Variants in PBX1 observed in about 807,000 individuals in gnomAD.
PBX1 encodes the protein PBX homeobox 1.
A neutral mutation model predicts 53.4 loss-of-function variants in PBX1; 6 were observed. The observed-to-expected ratio is 0.11, with a 90% confidence interval of 0.06 to 0.22. PBX1 has a LOEUF of 0.22. Ranked by LOEUF, PBX1 falls within the 10% of genes least tolerant of loss-of-function variation. The probability of loss-of-function intolerance (pLI) is 1.00; values close to 1 mark genes in which losing one functional copy is unlikely to be tolerated. For synonymous variants in PBX1, 204 were observed against 212.3 expected (o/e 0.96, Z 0.34); for missense variants, 251 against 551.4 (o/e 0.46, Z 5.46).
chr1:164,766,456 G>GTA (rs1667061753), intron 2 of PBX1, among the ~76,000 whole-genome samples: 2 of 152,092 alleles, frequency 1.3e-5, no homozygotes, highest in Non-Finnish European at 2.9e-5. Flanking sequence ...CACCAATCAA[G>GTA]TACCATCCCT....
intron 2 of PBX1, among the ~76,000 whole-genome samples, chr1:164,673,465 C>CTTTTTTTTTTTTTTTTTTTTTTTTTTT (rs1171916726): frequency 9.1e-6 from 1 of 109,406 alleles, no homozygotes; most frequent in Non-Finnish European, 1.8e-5. Flanking sequence ...AAATTACTAA[C>CTTTTTTTTTTTTTTTTTTTTTTTTTTT]TTTTTTTTTT....
chr1:164,871,197 T>G (rs2488916), intron 2 of PBX1, among the ~76,000 whole-genome samples: 129,586 of 152,152 alleles, frequency 0.85, 56,302 homozygotes, highest in Middle Eastern at 0.94. Flanking sequence ...CTAAGTAAGG[T>G]TACAAAAATT....
chr1:164,658,569 T>C (rs1660301099), intron 2 of PBX1, among the ~76,000 whole-genome samples: 1 of 152,192 alleles, frequency 6.6e-6, no homozygotes, highest in African/African-American at 2.4e-5. Context: ...TGTTTGACAC[T>C]ATATAAGTGT....
rs1666844201 is a variant in PBX1 at position 164,762,101 on chromosome 1, A to G, written c.266-30393A>G. Reference sequence around the variant, plus strand: ...GCAGTGTGACACCTGTGGGCTCAACATTGTTTCACCCTTATTTTGATGACC... The same window carrying G: ...GCAGTGTGACACCTGTGGGCTCAACGTTGTTTCACCCTTATTTTGATGACC... On this transcript the variant is annotated intron_variant, in intron 2 of 8. Transcript: ENST00000420696. 5.9e-5 allele frequency among the ~76,000 whole-genome samples: 9 copies of G among 152,300 alleles called. No individual in the cohort carries two copies. In the South Asian group the frequency reaches 1.9e-3, roughly 32 times the overall value.
chr1:164,823,312 AAATG>A (rs1210684573), intron 8 of PBX1, among the ~76,000 whole-genome samples: 1 of 152,206 alleles, frequency 6.6e-6, no homozygotes, highest in Non-Finnish European at 1.5e-5. Context: ...AAAGAATTCC[AAATG>A]AATGAAGTTG....
chr1:164,845,606 A>C (rs981756044), intron 8 of PBX1, among the ~76,000 whole-genome samples: 1 of 152,218 alleles, frequency 6.6e-6, no homozygotes, highest in South Asian at 2.1e-4. Flanking sequence ...ATTAACCACT[A>C]TAGCAAAGCA....
At chr1:164,810,288 T>G (rs1669543565) in intron 5 of PBX1, among the ~76,000 whole-genome samples, 1 of 152,228 alleles carries the variant, frequency 6.6e-6, no homozygotes, top group African/African-American at 2.4e-5. Flanking sequence ...TATTAGGCCC[T>G]TAGTCCATGA....
intron 2 of PBX1, among the ~76,000 whole-genome samples, chr1:164,622,931 C>T (rs1657783675): frequency 6.6e-6 from 1 of 151,252 alleles, no homozygotes; most frequent in South Asian, 2.1e-4. Context: ...TCTCCTGCCT[C>T]AGCCTCCCAA....
At position 164,801,750 on chromosome 1, in the gene PBX1, A is replaced by G. The variant is rs182990065; in HGVS notation, c.701+1861A>G. ...ACATTTGAATCATTGCTTCTGAGCCAAGATTCAAAACGAAAACAACTAACC... is the reference window on the plus strand; with the variant it reads ...ACATTTGAATCATTGCTTCTGAGCCGAGATTCAAAACGAAAACAACTAACC... On this transcript the variant is annotated intron_variant, in intron 4 of 8. Transcript: ENST00000420696. Among the ~76,000 whole-genome samples, 59 of 152,336 alleles carry G rather than the reference A, an allele frequency of 3.9e-4. No homozygotes were observed. The South Asian group carries it at 5.4e-3, about 14-fold the overall frequency.
intron 2 of PBX1, among the ~76,000 whole-genome samples, chr1:164,579,085 T>C (rs924373806): frequency 2.6e-5 from 4 of 152,124 alleles, no homozygotes; most frequent in African/African-American, 9.7e-5. Context: ...CAGCTTAAGC[T>C]ACATGGTCTG....
At chr1:164,781,162 ACTGT>A (rs1239587277) in intron 2 of PBX1, among the ~76,000 whole-genome samples, 6 of 152,220 alleles carry the variant, frequency 3.9e-5, no homozygotes, top group African/African-American at 1.4e-4. Context: ...TTGTGAGATG[ACTGT>A]CTGGGGTCAC....
intron 2 of PBX1, among the ~76,000 whole-genome samples, chr1:164,602,089 T>G (rs1283876460): frequency 1.3e-5 from 2 of 152,230 alleles, no homozygotes; most frequent in Non-Finnish European, 2.9e-5. Context: ...GGAGTTCAAG[T>G]CTTCTTTCCA....
rs1195039306 is a variant in PBX1, at chr1:164,847,989, G to A, written c.*1313G>A. 9.5e-7 allele frequency: 1 copy of A among 1,049,978 alleles called. No individual in the cohort carries two copies. The highest frequency in any genetic ancestry group is 1.1e-6 in the Non-Finnish European group (1 of 869,738). 65.0% of individuals were successfully genotyped at this position (1,049,978 alleles called of 1,614,324 possible). On this transcript the variant is annotated 3_prime_UTR_variant, in exon 9 of 9. Coordinates refer to ENST00000420696, the MANE Select transcript of PBX1 (RefSeq NM_002585.4). The stretch of plus-strand genomic sequence containing the variant: ...TGTTTAATTTTTTGTTTTATATTAG[G>A]CACACTGTATTAATTTTCCAAAATG...
At chr1:164,809,192 T>A (rs1669491029) in intron 5 of PBX1, among the ~76,000 whole-genome samples, 1 of 152,192 alleles carries the variant, frequency 6.6e-6, no homozygotes, top group South Asian at 2.1e-4. Context: ...ATTCAGAATT[T>A]CAACTTCCTG....
chr1:164,793,058 GCAGGCCTGGCTCTCA>G (rs370020635), intron 3 of PBX1, among the ~76,000 whole-genome samples: 20 of 152,340 alleles, frequency 1.3e-4, no homozygotes, highest in African/African-American at 4.8e-4. Flanking sequence ...TCTGTGATGT[GCAGGCCTGGCTCTCA>G]TCCGGGCGCT....
intron 2 of PBX1, among the ~76,000 whole-genome samples, chr1:164,688,038 C>CT (rs1227198641): frequency 1.3e-5 from 2 of 152,174 alleles, no homozygotes; most frequent in Non-Finnish European, 1.5e-5. Context: ...CCATGGTGCT[C>CT]TCTAGGAACT....
At chr1:164,613,978 G>A (rs1462671332) in intron 2 of PBX1, among the ~76,000 whole-genome samples, 5 of 151,882 alleles carry the variant, frequency 3.3e-5, no homozygotes, top group Admixed American at 3.3e-4. Flanking sequence ...TAGTAAAGCA[G>A]CACTTGAGCA....
intron 2 of PBX1, chr1:164,700,387 G>A (rs1663047661): frequency 1.1e-6 from 1 of 889,648 alleles, no homozygotes; most frequent in Non-Finnish European, 1.3e-6. Flanking sequence ...CATCAAGGGA[G>A]CGTGAGGTTC....
chr1:164,636,506 C>T (rs2996666), intron 2 of PBX1, among the ~76,000 whole-genome samples: 65,509 of 151,974 alleles, frequency 0.43, 14,809 homozygotes, highest in South Asian at 0.61. Context: ...AGAGTTGGAA[C>T]GTGAAGCACA....
Sources: allele counts gnomAD v4.1 joint callset (sites outside exome capture counted in the v4.1 genomes callset), GRCh38; gene constraint gnomAD v4.1.1; transcripts MANE v1.5; gene names NCBI Gene and HGNC (gene_info 2026-07-23, HGNC 2026-07-21).